Variants in SLCO2A1 observed in about 807,000 individuals in gnomAD.
SLCO2A1 encodes the protein matrin F/G 1.
SLCO2A1 carries 60 observed loss-of-function variants against 71.7 expected under a neutral mutation model. The observed-to-expected ratio is 0.84, with a 90% CI of 0.68 to 1.04. The LOEUF (loss-of-function observed/expected upper bound fraction) is 1.04, where lower values mean the gene tolerates loss of function less well. Ranked by LOEUF, SLCO2A1 falls within the 50% of genes least tolerant of loss-of-function variation. The pLI is 0.00. For synonymous variants in SLCO2A1, 308 were observed against 326.7 expected (o/e 0.94, Z 0.62); for missense variants, 745 against 813.4 (o/e 0.92, Z 1.02).
Position 133,955,058 on chromosome 3 carries a change from A to G in SLCO2A1, c.533T>C (p.Leu178Pro), listed in dbSNP as rs763991692. ...AGGCACTGTCCCGATGCCAGCCAGC[A>G]GCTGGGCAACCACCATCAGGCCCCA... ...SMWGLMVVAQLLAGIGTVPIQ... is the reference protein window; with the variant it reads ...SMWGLMVVAQPLAGIGTVPIQ... The change falls in exon 4 of 14, where the codon CTG becomes CCG. Residue 178 changes from leucine (L) to proline (P), a missense_variant. Leu to Pro is a moderately conservative substitution (Grantham distance 98). Coordinates refer to ENST00000310926, the MANE Select transcript of SLCO2A1 (RefSeq NM_005630.3). The G allele has an allele frequency of 6.2e-7, 1 of 1,614,192 alleles. No individual in the cohort carries two copies. Among genetic ancestry groups the G allele is most frequent in the South Asian group, 1.1e-5 (1 of 91,064 alleles).
At chr3:134,016,200 T>G (rs1307069676) in intron 1 of SLCO2A1, among the ~76,000 whole-genome samples, 1 of 152,096 alleles carries the variant, frequency 6.6e-6, no homozygotes, top group Admixed American at 6.5e-5. Flanking sequence ...TCATCAAAAT[T>G]AAACATTTTC....
At chr3:134,022,540 G>T (rs1451435300) in intron 1 of SLCO2A1, among the ~76,000 whole-genome samples, 1 of 152,104 alleles carries the variant, frequency 6.6e-6, no homozygotes, top group Non-Finnish European at 1.5e-5. Flanking sequence ...CTGTGAACTG[G>T]ACATTAAAGT....
intron 3 of SLCO2A1, among the ~76,000 whole-genome samples, chr3:133,959,858 T>C (rs569669616): frequency 6.6e-5 from 10 of 151,930 alleles, no homozygotes; most frequent in South Asian, 2.1e-4. Context: ...CGGTGGCTCA[T>C]ACCTGTAATC....
At chr3:133,997,591 C>T (rs895478201) in intron 1 of SLCO2A1, among the ~76,000 whole-genome samples, 3 of 152,214 alleles carry the variant, frequency 2.0e-5, no homozygotes, top group African/African-American at 7.2e-5. Flanking sequence ...CCAACAACTG[C>T]TAGAAGCAAG....
At chr3:134,025,991 T>C (rs541201468) in intron 1 of SLCO2A1, among the ~76,000 whole-genome samples, 4 of 152,314 alleles carry the variant, frequency 2.6e-5, no homozygotes, top group African/African-American at 4.8e-5. Context: ...TGTCACTTCA[T>C]GTTATGTATG....
intron 3 of SLCO2A1, among the ~76,000 whole-genome samples, chr3:133,971,177 C>T (rs993360712): frequency 5.3e-5 from 8 of 152,228 alleles, no homozygotes; most frequent in African/African-American, 1.4e-4. Context: ...ATTTCATTAT[C>T]CCAGTCTTCA....
chr3:133,999,028 C>T (rs1298683248), intron 1 of SLCO2A1, among the ~76,000 whole-genome samples: 1 of 152,232 alleles, frequency 6.6e-6, no homozygotes, highest in Non-Finnish European at 1.5e-5. Flanking sequence ...CTGCCTAGCT[C>T]TGACTCCATT....
intron 3 of SLCO2A1, among the ~76,000 whole-genome samples, chr3:133,961,276 T>C (rs1013169007): frequency 1.3e-5 from 2 of 151,676 alleles, no homozygotes; most frequent in African/African-American, 4.8e-5. Flanking sequence ...GCCCAGAGGG[T>C]GTGTGCGTAG....
At chr3:133,974,246 A>C (rs1395164527) in intron 2 of SLCO2A1, among the ~76,000 whole-genome samples, 1 of 152,234 alleles carries the variant, frequency 6.6e-6, no homozygotes, top group Non-Finnish European at 1.5e-5. Context: ...GCAAAATCCC[A>C]AGTTTAATTA....
At chr3:134,010,751 C>CAAAAAA (rs57260052) in intron 1 of SLCO2A1, among the ~76,000 whole-genome samples, 3 of 70,880 alleles carry the variant, frequency 4.2e-5, no homozygotes, top group African/African-American at 1.5e-4. Flanking sequence ...AGACTCTGTC[C>CAAAAAA]AAAAAAAAAA....
chr3:133,945,453 G>C (rs967836699), intron 9 of SLCO2A1, among the ~76,000 whole-genome samples, 193 bp from the exon 10 acceptor site: 1 of 152,104 alleles, frequency 6.6e-6, no homozygotes, highest in Non-Finnish European at 1.5e-5. Context: ...TAGTGGTCAC[G>C]GCATCTCTCC....
intron 4 of SLCO2A1, 51 bp downstream of exon 4, chr3:133,954,915 T>C (rs1933842564): frequency 6.8e-7 from 1 of 1,469,520 alleles, no homozygotes; most frequent in Admixed American, 1.7e-5. Flanking sequence ...CATCAAGTGC[T>C]ACATCAGGAC....
At chr3:133,940,838 C>T (rs1043276769) in intron 11 of SLCO2A1, among the ~76,000 whole-genome samples, 5 of 152,114 alleles carry the variant, frequency 3.3e-5, no homozygotes, top group Non-Finnish European at 5.9e-5. Context: ...TTTCCTGTGC[C>T]GTTTCTCCGG....
chr3:133,991,626 G>C (rs948632243), intron 1 of SLCO2A1, among the ~76,000 whole-genome samples: 1 of 152,194 alleles, frequency 6.6e-6, no homozygotes, highest in African/African-American at 2.4e-5. Context: ...ATAAAAATCA[G>C]AACAATCTAG....
chr3:134,015,552 T>C (rs1187072527), intron 1 of SLCO2A1, among the ~76,000 whole-genome samples: 1 of 152,100 alleles, frequency 6.6e-6, no homozygotes, highest in Non-Finnish European at 1.5e-5. Context: ...TCAACAATAA[T>C]GTAATATATA....
chr3:133,994,781 T>C (rs370775027), intron 1 of SLCO2A1, among the ~76,000 whole-genome samples: 177 of 152,278 alleles, frequency 1.2e-3, no homozygotes, highest in African/African-American at 4.1e-3. Flanking sequence ...TGTTGGGACC[T>C]CACACTGTCT....
At chr3:134,003,736 G>A (rs1050271266) in intron 1 of SLCO2A1, among the ~76,000 whole-genome samples, 11 of 152,176 alleles carry the variant, frequency 7.2e-5, no homozygotes, top group Admixed American at 4.6e-4. Context: ...GTGGCAACTC[G>A]GCTAGGCCAC....
At chr3:133,993,166 C>A (rs1173656107) in intron 1 of SLCO2A1, among the ~76,000 whole-genome samples, 1 of 152,364 alleles carries the variant, frequency 6.6e-6, no homozygotes, top group East Asian at 1.9e-4. Context: ...CTGTGCTCCC[C>A]CTCCCCAGGG....
intron 1 of SLCO2A1, among the ~76,000 whole-genome samples, chr3:133,993,752 G>T (rs545617639): frequency 6.6e-6 from 1 of 152,218 alleles, no homozygotes; most frequent in South Asian, 2.1e-4. Context: ...ATCCATTTAT[G>T]GCAGGTATAG....
Sources: gnomAD v4.1 joint callset for allele counts (sites outside exome capture counted in the v4.1 genomes callset) on GRCh38, gnomAD v4.1.1 for gene constraint, MANE v1.5 for transcripts, NCBI Gene and HGNC (gene_info 2026-07-23, HGNC 2026-07-21) for gene names.